Variants in TRABD2B observed in about 807,000 individuals in gnomAD.
TRABD2B encodes the protein metalloprotease TIKI2.
A neutral mutation model predicts 40.1 loss-of-function variants in TRABD2B; 14 were observed. That is an observed-to-expected ratio of 0.35 (90% CI 0.23 to 0.55). The LOEUF is 0.55. Ranked by LOEUF, TRABD2B falls within the 20% of genes least tolerant of loss-of-function variation. TRABD2B has a pLI of 0.90. For synonymous variants in TRABD2B, 263 were observed against 277.0 expected (o/e 0.95, Z 0.50); for missense variants, 541 against 648.6 (o/e 0.83, Z 1.80).
intron 2 of TRABD2B, among the ~76,000 whole-genome samples, chr1:47,869,380 A>G (rs576993525): frequency 6.6e-5 from 10 of 152,258 alleles, no homozygotes; most frequent in African/African-American, 7.2e-5. Context: ...AATGTGCTGG[A>G]AAGTAAACTC....
chr1:47,992,457 C>A (rs1026200209), intron 2 of TRABD2B, among the ~76,000 whole-genome samples: 1 of 152,192 alleles, frequency 6.6e-6, no homozygotes, highest in African/African-American at 2.4e-5. Context: ...TTTGTGTGTG[C>A]TCCCTTCAGC....
chr1:47,900,273 C>T (rs897512307), intron 2 of TRABD2B, among the ~76,000 whole-genome samples: 3 of 152,072 alleles, frequency 2.0e-5, no homozygotes, highest in Non-Finnish European at 4.4e-5. Flanking sequence ...TCTCTCTCCC[C>T]GTTTGGGTTT....
chr1:47,768,957 G>A (rs1039575486), intron 6 of TRABD2B, among the ~76,000 whole-genome samples: 7 of 152,170 alleles, frequency 4.6e-5, no homozygotes, highest in Middle Eastern at 3.2e-3. Flanking sequence ...CCAAGGAGCC[G>A]TCCCTGAATG....
At chr1:47,916,553 T>TG (rs1161868262) in intron 2 of TRABD2B, among the ~76,000 whole-genome samples, 1 of 152,134 alleles carries the variant, frequency 6.6e-6, no homozygotes, top group Non-Finnish European at 1.5e-5. Context: ...TGCCAAATCT[T>TG]GGAGGTCAAG....
chr1:47,844,733 A>G (rs998385840), intron 2 of TRABD2B, among the ~76,000 whole-genome samples: 2 of 152,228 alleles, frequency 1.3e-5, no homozygotes, highest in Admixed American at 6.5e-5. Context: ...ATAAGATTTC[A>G]ACAGACAGGA....
At chr1:47,921,787 A>C (rs760601147) in intron 2 of TRABD2B, among the ~76,000 whole-genome samples, 2 of 152,196 alleles carry the variant, frequency 1.3e-5, no homozygotes, top group Admixed American at 6.5e-5. Flanking sequence ...TCACCCTTGC[A>C]ACCTCGGCAT....
chr1:47,800,048 A>G (rs1238322630), intron 3 of TRABD2B, among the ~76,000 whole-genome samples: 1 of 152,028 alleles, frequency 6.6e-6, no homozygotes, highest in African/African-American at 2.4e-5. Flanking sequence ...TCATTCATTC[A>G]GCAAATGTTT....
chr1:47,894,161 G>A (rs1441385342), intron 2 of TRABD2B, among the ~76,000 whole-genome samples: 1 of 152,088 alleles, frequency 6.6e-6, no homozygotes, highest in Non-Finnish European at 1.5e-5. Flanking sequence ...GGGGTGTTGC[G>A]GATGCAGCCT....
intron 2 of TRABD2B, among the ~76,000 whole-genome samples, chr1:47,854,924 G>T (rs1643875803): frequency 6.6e-6 from 1 of 152,194 alleles, no homozygotes; most frequent in Non-Finnish European, 1.5e-5. Flanking sequence ...CAAGTGAATA[G>T]CTGTGTGATG....
chr1:47,901,617 A>G (rs1281874626), intron 2 of TRABD2B, among the ~76,000 whole-genome samples: 1 of 152,226 alleles, frequency 6.6e-6, no homozygotes, highest in Non-Finnish European at 1.5e-5. Context: ...TAGCCCCTGC[A>G]CTCAAGGAGT....
chr1:47,764,495 C>G lies in TRABD2B; in HGVS notation c.*1407G>C, dbSNP rs1644278646. On this transcript the variant is annotated 3_prime_UTR_variant, in exon 7 of 7. Transcript: ENST00000606738. ...GGAGTCCCTGTCACCTGCCTCCCCACTTGGCTGCTGTGCCTCCCCAGGTGC... is the reference window on the plus strand; with the variant it reads ...GGAGTCCCTGTCACCTGCCTCCCCAGTTGGCTGCTGTGCCTCCCCAGGTGC... The G allele has an allele frequency of 6.6e-6, 1 of 152,344 alleles. No homozygotes were observed. The highest frequency in any genetic ancestry group is 2.4e-5 in the African/African-American group (1 of 41,456). 9.4% of individuals were successfully genotyped at this position (152,344 alleles called of 1,614,324 possible).
intron 2 of TRABD2B, among the ~76,000 whole-genome samples, chr1:47,846,034 T>G (rs1160743161): frequency 6.6e-6 from 1 of 151,920 alleles, no homozygotes; most frequent in Non-Finnish European, 1.5e-5. Context: ...GCAAAGGGGG[T>G]CTGCGTGAGT....
At chr1:47,944,737 A>T (rs552593999) in intron 2 of TRABD2B, among the ~76,000 whole-genome samples, 2 of 152,152 alleles carry the variant, frequency 1.3e-5, no homozygotes, top group South Asian at 4.1e-4. Flanking sequence ...CTGGCAGCAG[A>T]CTCTTCCCGA....
intron 2 of TRABD2B, among the ~76,000 whole-genome samples, chr1:47,939,989 T>C (rs934728006): frequency 1.3e-5 from 2 of 152,192 alleles, no homozygotes; most frequent in Non-Finnish European, 2.9e-5. Context: ...GGAAACACTC[T>C]ATCATGGAAG....
chr1:47,989,610 T>A (rs1446581157), intron 2 of TRABD2B, among the ~76,000 whole-genome samples: 9 of 152,212 alleles, frequency 5.9e-5, no homozygotes, highest in Non-Finnish European at 1.3e-4. Flanking sequence ...GAGTAGCTGA[T>A]GCCCAGAATG....
At chr1:47,774,334 C>G (rs951180657) in intron 6 of TRABD2B, among the ~76,000 whole-genome samples, 1 of 152,178 alleles carries the variant, frequency 6.6e-6, no homozygotes, top group Non-Finnish European at 1.5e-5. Flanking sequence ...ATGGCATATT[C>G]AGAGCTGGGC....
At chr1:47,868,363 A>G (rs184805370) in intron 2 of TRABD2B, among the ~76,000 whole-genome samples, 1 of 152,318 alleles carries the variant, frequency 6.6e-6, no homozygotes, top group African/African-American at 2.4e-5. Context: ...GGAAGGACAG[A>G]AGGAAGAGAG....
chr1:47,959,851 C>T (rs967808207), intron 2 of TRABD2B, among the ~76,000 whole-genome samples: 3 of 152,194 alleles, frequency 2.0e-5, no homozygotes, highest in African/African-American at 7.2e-5. Context: ...TCCTCCCTAA[C>T]TCATTTTATG....
At chr1:47,807,701 AACATAAG>A (rs780866819) in intron 2 of TRABD2B, among the ~76,000 whole-genome samples, 57 of 152,202 alleles carry the variant, frequency 3.7e-4, no homozygotes, top group Non-Finnish European at 6.8e-4. Context: ...TTTATCATAT[AACATAAG>A]ATATATTGAC....
Sources: allele counts gnomAD v4.1 joint callset (sites outside exome capture counted in the v4.1 genomes callset), GRCh38; gene constraint gnomAD v4.1.1; transcripts MANE v1.5; gene names NCBI Gene and HGNC (gene_info 2026-07-23, HGNC 2026-07-21).